EPB41: variants seen among roughly 807,000 people sequenced by gnomAD.
EPB41 encodes protein 4.1.
A neutral mutation model predicts 108.0 loss-of-function variants in EPB41; 65 were observed. The observed-to-expected ratio is 0.60, with a 90% CI of 0.49 to 0.74. The LOEUF (loss-of-function observed/expected upper bound fraction) is 0.74, where lower values mean the gene tolerates loss of function less well. EPB41 is among the 30% of genes least tolerant of loss of function. EPB41 has a pLI of 0.00. For missense variants in EPB41, 875 were observed against 1,037.0 expected, an observed-to-expected ratio of 0.84 and a Z score of 2.15; for synonymous variants, 336 against 358.9, an observed-to-expected ratio of 0.94 and a Z score of 0.72.
chr1:28,930,473 C>CTGTGTG (rs200564607), intron 1 of EPB41, among the ~76,000 whole-genome samples: 33 of 149,580 alleles, frequency 2.2e-4, no homozygotes, highest in African/African-American at 6.9e-4. Context: ...TGGCCCTGAA[C>CTGTGTG]TGTGTGTGTG....
intron 16 of EPB41, among the ~76,000 whole-genome samples, chr1:29,091,720 A>G (rs1240032430): frequency 6.6e-6 from 1 of 152,210 alleles, no homozygotes; most frequent in African/African-American, 2.4e-5. Context: ...GCTGTATCTC[A>G]GATACATTTG....
chr1:29,025,208 A>G (rs1027736131), intron 7 of EPB41, among the ~76,000 whole-genome samples: 23 of 152,030 alleles, frequency 1.5e-4, no homozygotes, highest in African/African-American at 4.1e-4. Flanking sequence ...AAACTTGTCT[A>G]TTGTCCCCCA....
intron 1 of EPB41, among the ~76,000 whole-genome samples, chr1:28,905,274 A>T (rs1486622952): frequency 6.6e-6 from 1 of 151,910 alleles, no homozygotes; most frequent in Non-Finnish European, 1.5e-5. Context: ...AGGCAAGTGG[A>T]TCACTTGAGG....
At chr1:28,898,504 A>G (rs2090946846) in intron 1 of EPB41, among the ~76,000 whole-genome samples, 1 of 152,220 alleles carries the variant, frequency 6.6e-6, no homozygotes, top group East Asian at 1.9e-4. Context: ...CTTCAATGAG[A>G]TAATCTCCAC....
chr1:29,003,782 A>G (rs1467996566), intron 4 of EPB41, among the ~76,000 whole-genome samples: 1 of 152,180 alleles, frequency 6.6e-6, no homozygotes, highest in African/African-American at 2.4e-5. Context: ...GAAAAGCGGT[A>G]AGAAGCAAAC....
At chr1:28,910,122 A>C (rs146334161), upstream of EPB41, among the ~76,000 whole-genome samples, 259 of 151,980 alleles carry the variant, frequency 1.7e-3, 1 homozygote, top group African/African-American at 5.7e-3. Flanking sequence ...AAGAAAAGGT[A>C]CTAGAAGGGA....
chr1:28,931,789 C>T (rs987592440), intron 1 of EPB41, among the ~76,000 whole-genome samples: 5 of 152,120 alleles, frequency 3.3e-5, no homozygotes, highest in Non-Finnish European at 7.4e-5. Context: ...TCGCCTCGGC[C>T]TCCCAAAGTG....
chr1:29,073,834 T>G (rs1447036073), intron 16 of EPB41, among the ~76,000 whole-genome samples: 1 of 152,208 alleles, frequency 6.6e-6, no homozygotes, highest in Non-Finnish European at 1.5e-5. Flanking sequence ...AAGATTAGAC[T>G]GGATATTATA....
chr1:28,963,803 A>G (rs2095288563), intron 1 of EPB41, among the ~76,000 whole-genome samples: 1 of 152,222 alleles, frequency 6.6e-6, no homozygotes, highest in Non-Finnish European at 1.5e-5. Context: ...TACACTCAAC[A>G]TTGTCTTTGA....
chr1:28,921,958 A>G (rs1434375718), intron 1 of EPB41, among the ~76,000 whole-genome samples: 3 of 116,130 alleles, frequency 2.6e-5, no homozygotes, highest in South Asian at 7.5e-4. Flanking sequence ...ATATATATAT[A>G]TATACACTTT....
At chr1:28,943,978 A>G (rs1380386522) in intron 1 of EPB41, among the ~76,000 whole-genome samples, 1 of 152,228 alleles carries the variant, frequency 6.6e-6, no homozygotes, top group Non-Finnish European at 1.5e-5. Context: ...CCATCAACAG[A>G]TAAATGGATA....
intron 1 of EPB41, among the ~76,000 whole-genome samples, chr1:28,889,481 G>T (rs1006054197): frequency 6.6e-6 from 1 of 152,252 alleles, no homozygotes; most frequent in Admixed American, 6.5e-5. Flanking sequence ...TCCCACCCAG[G>T]CCGCCTTACT....
intron 11 of EPB41, 126 bp downstream of exon 11, chr1:29,039,552 C>G: frequency 8.1e-7 from 1 of 1,230,280 alleles, no homozygotes; most frequent in Non-Finnish European, 1.1e-6. Context: ...GTGGCTTACA[C>G]CTGTAATCCT....
intron 12 of EPB41, among the ~76,000 whole-genome samples, chr1:29,057,674 T>G (rs1458352671): frequency 6.6e-6 from 1 of 152,198 alleles, no homozygotes; most frequent in Non-Finnish European, 1.5e-5. Context: ...ATTTTTTAAT[T>G]TAAAATATCC....
chr1:28,888,171 C>G (rs988588282), intron 1 of EPB41, among the ~76,000 whole-genome samples: 1 of 152,262 alleles, frequency 6.6e-6, no homozygotes, highest in African/African-American at 2.4e-5. Flanking sequence ...CGGACGACCC[C>G]TTCTCCGCCT....
intron 1 of EPB41, among the ~76,000 whole-genome samples, chr1:28,976,668 G>A (rs1429005157): frequency 1.3e-5 from 2 of 150,382 alleles, no homozygotes; most frequent in East Asian, 2.0e-4. Flanking sequence ...AATTTTAAAC[G>A]GTAGCTCTTT....
chr1:28,987,891 A>G lies in EPB41; in HGVS notation c.454A>G (p.Ser152Gly). The change falls in exon 2 of 21, where the codon AGT (serine) becomes GGT (glycine). Residue 152 changes from serine (S) to glycine (G), a missense_variant. Physicochemically the swap from Ser to Gly is moderately conservative, Grantham distance 56. This residue lies in a region of EPB41 where 353 missense variants were observed against 393.2 expected (regional missense o/e 0.90). Coordinates refer to ENST00000343067, the MANE Select transcript of EPB41 (RefSeq NM_001376013.1). ...ATCTTTGGATCTTCATTCATTAAGC[A>G]GTGCAGAAACACAGGTAAGGATGTG... Reference protein sequence around the residue: ...DPSLDLHSLSSAETQPAQEEL... With the variant: ...DPSLDLHSLSGAETQPAQEEL... 6.2e-7 allele frequency: 1 copy of G among 1,614,250 alleles called. No homozygotes were observed. Among genetic ancestry groups the G allele is most frequent in the East Asian group, 2.2e-5 (1 of 44,894 alleles).
At chr1:29,095,771 CAA>C (rs564313202) in intron 16 of EPB41, among the ~76,000 whole-genome samples, 5 of 126,088 alleles carry the variant, frequency 4.0e-5, no homozygotes, top group Non-Finnish European at 3.4e-5. Context: ...GACCCTGTCT[CAA>C]AAAAAAAAAA....
chr1:28,958,507 C>T (rs556296055), intron 1 of EPB41, among the ~76,000 whole-genome samples: 9 of 151,252 alleles, frequency 6.0e-5, no homozygotes, highest in African/African-American at 9.7e-5. Flanking sequence ...AGTGGAATAC[C>T]GTGTAACTGC....
Sources: allele counts gnomAD v4.1 joint callset (sites outside exome capture counted in the v4.1 genomes callset), GRCh38; gene constraint gnomAD v4.1.1; regional missense constraint gnomAD v4.1.1; transcripts MANE v1.5; gene names NCBI Gene and HGNC (gene_info 2026-07-23, HGNC 2026-07-21).